RYR3: variants seen among roughly 807,000 people sequenced by gnomAD.
RYR3 encodes ryanodine receptor 3, also known as brain ryanodine receptor-calcium release channel.
A neutral mutation model predicts 584.3 loss-of-function variants in RYR3; 207 were observed. That is an observed-to-expected ratio of 0.35 (90% CI 0.32 to 0.40). The LOEUF is 0.40. Ranked by LOEUF, RYR3 falls within the 10% of genes least tolerant of loss-of-function variation. The pLI is 1.00. For missense variants in RYR3, 5,616 were observed against 6,089.2 expected, an observed-to-expected ratio of 0.92 and a Z score of 2.59; for synonymous variants, 2,416 against 2,248.5, an observed-to-expected ratio of 1.07 and a Z score of -2.11.
intron 98 of RYR3, among the ~76,000 whole-genome samples, chr15:33,855,686 A>C (rs1415646178): frequency 6.6e-6 from 1 of 151,808 alleles, no homozygotes; most frequent in Non-Finnish European, 1.5e-5. Context: ...ACACACACAC[A>C]TATGTATATG....
intron 69 of RYR3, among the ~76,000 whole-genome samples, chr15:33,802,521 G>GA (rs2152932167): frequency 6.6e-6 from 1 of 152,228 alleles, no homozygotes; most frequent in East Asian, 1.9e-4. Context: ...GTTTGAAAAG[G>GA]CATATCGGAC....
chr15:33,365,359 T>C lies in RYR3; in HGVS notation c.51+54263T>C, dbSNP rs183615710. The stretch of plus-strand genomic sequence containing the variant: ...TCACTGAACTTTCTGATAGACTCTT[T>C]GAAAGAGTGGAAGGACAAGAAAGGT... On this transcript the variant is annotated intron_variant, in intron 1 of 103. Transcript: ENST00000634891. 2.2e-3 allele frequency among the ~76,000 whole-genome samples: 332 copies of C among 152,220 alleles called. 1 individual carries two copies. Among genetic ancestry groups the C allele is most frequent in the Admixed American group, 3.6e-3 (55 of 15,300 alleles).
chr15:33,541,691 G>GA (rs2055833512), intron 7 of RYR3, among the ~76,000 whole-genome samples: 1 of 152,062 alleles, frequency 6.6e-6, no homozygotes, highest in Admixed American at 6.6e-5. Flanking sequence ...TATCATGTTT[G>GA]AAAAAAGAAG....
intron 1 of RYR3, among the ~76,000 whole-genome samples, chr15:33,436,501 CTTTTT>C (rs34317660): frequency 1.5e-5 from 2 of 135,920 alleles, no homozygotes; most frequent in African/African-American, 2.7e-5. Flanking sequence ...AAACCATATT[CTTTTT>C]TTTTTTTTTT....
intron 1 of RYR3, among the ~76,000 whole-genome samples, chr15:33,440,647 A>T (rs2046142116): frequency 6.6e-6 from 1 of 152,180 alleles, no homozygotes; most frequent in Non-Finnish European, 1.5e-5. Context: ...TATCAAAGTG[A>T]TTCTCCAACG....
At chr15:33,624,996 A>C (rs1595878432) in intron 20 of RYR3, among the ~76,000 whole-genome samples, 1 of 152,272 alleles carries the variant, frequency 6.6e-6, no homozygotes, top group East Asian at 1.9e-4. Context: ...ATGACTATGT[A>C]TTAGTCCATT....
intron 1 of RYR3, among the ~76,000 whole-genome samples, chr15:33,345,252 C>A (rs1972308398): frequency 6.6e-6 from 1 of 152,242 alleles, no homozygotes; most frequent in Non-Finnish European, 1.5e-5. Context: ...TATTGAGTAG[C>A]CACTATGTGC....
intron 38 of RYR3, among the ~76,000 whole-genome samples, chr15:33,688,806 A>G (rs1033150954): frequency 3.3e-5 from 5 of 152,160 alleles, no homozygotes; most frequent in Admixed American, 2.6e-4. Flanking sequence ...CCATTGTGGA[A>G]GACAGTGTGG....
intron 1 of RYR3, among the ~76,000 whole-genome samples, chr15:33,358,743 C>T (rs56046344): frequency 0.037 from 5,675 of 151,592 alleles, 141 homozygotes; most frequent in Non-Finnish European, 0.059. Context: ...AGCGCCTTAG[C>T]GGTAGTTAAA....
Position 33,541,296 on chromosome 15 carries a change from C to G in RYR3, c.646+406C>G, listed in dbSNP as rs980079044. Reference sequence around the variant, plus strand: ...ATGGTTTATATTTCTCCTTATGCATCTCTCCATGCAGGCGAAGCACTTACT... The same window carrying G: ...ATGGTTTATATTTCTCCTTATGCATGTCTCCATGCAGGCGAAGCACTTACT... On this transcript the variant is annotated intron_variant, in intron 7 of 103. Transcript: ENST00000634891. Among the ~76,000 whole-genome samples the G allele has an allele frequency of 8.5e-5, 13 of 152,132 alleles. No individual in the cohort carries two copies. The East Asian group carries it at 2.3e-3, about 27-fold the overall frequency.
chr15:33,656,968 C>T (rs920413871), intron 32 of RYR3, among the ~76,000 whole-genome samples: 1 of 152,194 alleles, frequency 6.6e-6, no homozygotes, highest in African/African-American at 2.4e-5. Flanking sequence ...ATTACATCTG[C>T]AGAATGCCTT....
intron 99 of RYR3, among the ~76,000 whole-genome samples, chr15:33,859,352 A>C (rs80055412): frequency 1.3e-5 from 2 of 152,240 alleles, no homozygotes; most frequent in Non-Finnish European, 2.9e-5. Flanking sequence ...ATACCTTTTA[A>C]AAGCCTAAAT....
At chr15:33,788,496 G>T in intron 67 of RYR3, 38 bp downstream of exon 67, 2 of 1,603,524 alleles carry the variant, frequency 1.2e-6, no homozygotes, top group Non-Finnish European at 1.7e-6. Context: ...CTGCCCCTCT[G>T]TGGGGCTAGT....
At chr15:33,360,655 A>G (rs1022256580) in intron 1 of RYR3, among the ~76,000 whole-genome samples, 3 of 152,234 alleles carry the variant, frequency 2.0e-5, no homozygotes, top group Admixed American at 2.0e-4. Context: ...GGCTTAAAAT[A>G]TATTTTGAAT....
chr15:33,625,254 C>T (rs2060926134), intron 20 of RYR3, among the ~76,000 whole-genome samples: 1 of 152,102 alleles, frequency 6.6e-6, no homozygotes, highest in Admixed American at 6.5e-5. Flanking sequence ...AAGGCTGCCC[C>T]TATGATCAAA....
intron 1 of RYR3, among the ~76,000 whole-genome samples, chr15:33,364,952 C>A (rs563726231): frequency 4.6e-5 from 7 of 152,094 alleles, no homozygotes; most frequent in African/African-American, 1.7e-4. Flanking sequence ...GGAAGGAAGA[C>A]AAGAAGGTAT....
At chr15:33,557,846 A>G (rs973239707) in intron 10 of RYR3, among the ~76,000 whole-genome samples, 1 of 152,200 alleles carries the variant, frequency 6.6e-6, no homozygotes, top group South Asian at 2.1e-4. Context: ...GGTCATGAGC[A>G]TTTCCTTAAT....
At chr15:33,787,802 C>G (rs1038221816) in intron 66 of RYR3, among the ~76,000 whole-genome samples, 2 of 152,200 alleles carry the variant, frequency 1.3e-5, no homozygotes, top group Non-Finnish European at 2.9e-5. Context: ...TGAGTGCCCG[C>G]TGTTAGTGCA....
At chr15:33,600,499 G>A (rs919392153) in intron 16 of RYR3, among the ~76,000 whole-genome samples, 4 of 152,024 alleles carry the variant, frequency 2.6e-5, no homozygotes, top group East Asian at 1.9e-4. Context: ...AATGAAAGAG[G>A]ATACAGTGCA....
Sources: gnomAD v4.1 joint callset for allele counts (sites outside exome capture counted in the v4.1 genomes callset) on GRCh38, gnomAD v4.1.1 for gene constraint, MANE v1.5 for transcripts, NCBI Gene and HGNC (gene_info 2026-07-23, HGNC 2026-07-21) for gene names.